PDE4D: variants seen among roughly 807,000 people sequenced by gnomAD.
PDE4D encodes the protein phosphodiesterase 4D, also known as 3',5'-cyclic-AMP phosphodiesterase 4D.
In PDE4D, 24 loss-of-function variants were observed where a neutral mutation model predicts 87.4. That is an observed-to-expected ratio of 0.27 (90% CI 0.20 to 0.39). The LOEUF (loss-of-function observed/expected upper bound fraction) is 0.39, where lower values mean the gene tolerates loss of function less well. PDE4D is among the 10% of genes least tolerant of loss of function. PDE4D has a pLI of 1.00. For synonymous variants in PDE4D, 384 were observed against 383.2 expected (o/e 1.00, Z -0.02); for missense variants, 714 against 1,041.0 (o/e 0.69, Z 4.32).
At chr5:59,370,073 T>C (rs1783711887) in intron 1 of PDE4D, among the ~76,000 whole-genome samples, 1 of 152,196 alleles carries the variant, frequency 6.6e-6, no homozygotes, top group Admixed American at 6.5e-5. Flanking sequence ...ATTGCCAGAA[T>C]CTGATCACTT....
intron 1 of PDE4D, among the ~76,000 whole-genome samples, chr5:59,579,638 T>C (rs1823741653): frequency 6.6e-6 from 1 of 152,316 alleles, no homozygotes; most frequent in Middle Eastern, 3.4e-3. Flanking sequence ...GGGCCAGAGA[T>C]AGGCAGTTTG....
At chr5:59,869,771 T>C (rs1049269662) in intron 1 of PDE4D, among the ~76,000 whole-genome samples, 5 of 152,162 alleles carry the variant, frequency 3.3e-5, no homozygotes, top group Admixed American at 6.5e-5. Flanking sequence ...AAAGTGAAAT[T>C]TTCTTACTAT....
chr5:60,063,137 AGAAAGAAAGAAAG>A (rs1366418977), intron 2 of PDE4D, among the ~76,000 whole-genome samples: 2 of 150,528 alleles, frequency 1.3e-5, no homozygotes, highest in African/African-American at 4.9e-5. Context: ...AAAGAAAGAA[AGAAAGAAAGAAAG>A]AAAGAAGGAA....
At chr5:60,023,223 A>G (rs1582224649) in intron 2 of PDE4D, among the ~76,000 whole-genome samples, 1 of 152,214 alleles carries the variant, frequency 6.6e-6, no homozygotes. Context: ...ACGGTGCATA[A>G]TAAGCAGTCA....
chr5:60,217,381 T>G (rs2962965), intron 1 of PDE4D, among the ~76,000 whole-genome samples: 121,319 of 151,818 alleles, frequency 0.8, 49,626 homozygotes, highest in African/African-American at 0.95. Flanking sequence ...ACACTAAACT[T>G]TATACTTAAA....
At chr5:60,164,354 G>T (rs1782710938) in intron 2 of PDE4D, among the ~76,000 whole-genome samples, 1 of 152,046 alleles carries the variant, frequency 6.6e-6, no homozygotes, top group African/African-American at 2.4e-5. Context: ...ATTAAAAATA[G>T]AAATTTTCCA....
At chr5:59,066,979 C>A (rs1403562130) in intron 5 of PDE4D, among the ~76,000 whole-genome samples, 1 of 146,078 alleles carries the variant, frequency 6.8e-6, no homozygotes, top group Non-Finnish European at 1.5e-5. Flanking sequence ...ATAAGCCACC[C>A]AGCTCGTGAT....
rs577892115 is a variant in PDE4D, at chr5:59,084,525, T to C, written c.809-45554A>G. On this transcript the variant is annotated intron_variant, in intron 5 of 14. Transcript: ENST00000340635. ...AAAAGTAAAAATAGAAATGAATAAATGGCAAAAAAGTGTAAAAAACAAACA... is the reference window on the plus strand; with the variant it reads ...AAAAGTAAAAATAGAAATGAATAAACGGCAAAAAAGTGTAAAAAACAAACA... Among the ~76,000 whole-genome samples the C allele has an allele frequency of 5.8e-5, 5 of 85,528 alleles. No homozygotes were observed. In the South Asian group the frequency reaches 1.8e-3, roughly 31 times the overall value. 56.1% of individuals were successfully genotyped at this position (85,528 alleles called of 152,430 possible).
chr5:60,370,925 C>T (rs1418413317), intron 1 of PDE4D, among the ~76,000 whole-genome samples: 3 of 152,144 alleles, frequency 2.0e-5, no homozygotes, highest in African/African-American at 7.2e-5. Context: ...TTTAAAGCCA[C>T]CCAGGGAACT....
At chr5:58,991,652 CA>C (rs1295518965) in intron 8 of PDE4D, among the ~76,000 whole-genome samples, 179 bp downstream of exon 8, 1 of 151,736 alleles carries the variant, frequency 6.6e-6, no homozygotes, top group African/African-American at 2.4e-5. Context: ...TAAAACATAC[CA>C]AACCACCTGT....
intron 1 of PDE4D, among the ~76,000 whole-genome samples, chr5:59,376,795 C>A (rs1009940822): frequency 2.0e-5 from 3 of 152,072 alleles, no homozygotes; most frequent in African/African-American, 4.8e-5. Flanking sequence ...TACTACAGGG[C>A]CACAGTAACC....
intron 1 of PDE4D, chr5:60,429,954 G>T: frequency 1.9e-6 from 1 of 514,604 alleles, no homozygotes; most frequent in South Asian, 1.4e-5. Context: ...TAACAGGTAC[G>T]TAGGCAACCA....
chr5:59,438,053 A>T (rs1386908352), intron 1 of PDE4D, among the ~76,000 whole-genome samples: 1 of 152,200 alleles, frequency 6.6e-6, no homozygotes, highest in African/African-American at 2.4e-5. Flanking sequence ...CGACAGCTGC[A>T]TGGGGGAAAC....
intron 5 of PDE4D, among the ~76,000 whole-genome samples, chr5:59,117,105 T>C (rs1400207128): frequency 6.6e-6 from 1 of 152,204 alleles, no homozygotes; most frequent in Non-Finnish European, 1.5e-5. Flanking sequence ...CTAATTTCTT[T>C]GGCTTCACAG....
At chr5:59,365,772 G>GA (rs1274394324) in intron 1 of PDE4D, among the ~76,000 whole-genome samples, 1 of 152,054 alleles carries the variant, frequency 6.6e-6, no homozygotes, top group Non-Finnish European at 1.5e-5. Context: ...TCTTACCTCG[G>GA]AAAAATATCT....
chr5:59,189,253 G>GTTTTTTTTTTTTTTTT (rs5868167), intron 3 of PDE4D, among the ~76,000 whole-genome samples: 1 of 120,848 alleles, frequency 8.3e-6, no homozygotes, highest in African/African-American at 3.2e-5. Flanking sequence ...TGTTTTTTTT[G>GTTTTTTTTTTTTTTTT]TTTTTTTTTT....
intron 1 of PDE4D, among the ~76,000 whole-genome samples, chr5:59,474,659 C>A (rs941375285): frequency 2.0e-5 from 3 of 151,974 alleles, no homozygotes; most frequent in Non-Finnish European, 4.4e-5. Flanking sequence ...GAGCCTCTTG[C>A]CAATCCCTCT....
chr5:59,852,395 G>A (rs1043944331), intron 1 of PDE4D, among the ~76,000 whole-genome samples: 8 of 152,004 alleles, frequency 5.3e-5, no homozygotes, highest in Non-Finnish European at 7.4e-5. Context: ...TATGGATCAC[G>A]CACACTTTGT....
At chr5:60,277,076 T>G (rs983336314) in intron 1 of PDE4D, among the ~76,000 whole-genome samples, 4 of 151,932 alleles carry the variant, frequency 2.6e-5, no homozygotes, top group African/African-American at 9.7e-5. Context: ...TTATTTTTAT[T>G]TTTTAATTGT....
Sources: allele counts gnomAD v4.1 joint callset (sites outside exome capture counted in the v4.1 genomes callset), GRCh38; gene constraint gnomAD v4.1.1; transcripts MANE v1.5; gene names NCBI Gene and HGNC (gene_info 2026-07-23, HGNC 2026-07-21).